Variants in IPO8 observed in about 807,000 individuals in gnomAD.
The protein encoded by IPO8 is importin 8.
IPO8 carries 65 observed loss-of-function variants against 141.2 expected under a neutral mutation model. That is an observed-to-expected ratio of 0.46 (90% CI 0.38 to 0.57). The LOEUF (loss-of-function observed/expected upper bound fraction) is 0.57, where lower values mean the gene tolerates loss of function less well. Ranked by LOEUF, IPO8 falls within the 20% of genes least tolerant of loss-of-function variation. The pLI is 0.00. For missense variants in IPO8, 980 were observed against 1,246.8 expected, an observed-to-expected ratio of 0.79 and a Z score of 3.22; for synonymous variants, 411 against 420.3, an observed-to-expected ratio of 0.98 and a Z score of 0.27.
intron 19 of IPO8, among the ~76,000 whole-genome samples, chr12:30,650,965 A>G (rs74413980): frequency 0.049 from 7,505 of 152,164 alleles, 273 homozygotes; most frequent in African/African-American, 0.099. Flanking sequence ...CTGGTATACA[A>G]TAAGAATTCG....
intron 16 of IPO8, among the ~76,000 whole-genome samples, chr12:30,659,116 G>A (rs896967180): frequency 6.6e-5 from 10 of 151,998 alleles, no homozygotes; most frequent in African/African-American, 2.2e-4. Context: ...TCCTGACCTC[G>A]TGATCCACCC....
At chr12:30,643,159 G>A (rs2052596627) in intron 20 of IPO8, among the ~76,000 whole-genome samples, 1 of 152,094 alleles carries the variant, frequency 6.6e-6, no homozygotes, top group African/African-American at 2.4e-5. Flanking sequence ...GACAGAATTA[G>A]AAGATCACCA....
intron 10 of IPO8, among the ~76,000 whole-genome samples, chr12:30,667,393 G>A (rs1477970484): frequency 6.6e-6 from 1 of 152,184 alleles, no homozygotes. Flanking sequence ...GCTCTTGTTA[G>A]TTCTTACCAA....
rs147704384 is a variant in IPO8, at chr12:30,674,448, T to C, written c.824+211A>G. 1.8e-3 allele frequency among the ~76,000 whole-genome samples: 279 copies of C among 152,340 alleles called. 1 individual carries two copies. Among genetic ancestry groups the C allele is most frequent in the African/African-American group, 6.4e-3 (265 of 41,582 alleles). Reference sequence around the variant, plus strand: ...TAATTCTTAGATATTACCAATGGGCTGAACAATGTTATTTTTCCAAGTTTT... The same window carrying C: ...TAATTCTTAGATATTACCAATGGGCCGAACAATGTTATTTTTCCAAGTTTT... On this transcript the variant is annotated intron_variant, in intron 7 of 24. Transcript: ENST00000256079.
chr12:30,682,134 A>T (rs568681872), intron 3 of IPO8, among the ~76,000 whole-genome samples: 1 of 152,276 alleles, frequency 6.6e-6, no homozygotes, highest in South Asian at 2.1e-4. Flanking sequence ...ACTCTGTAAA[A>T]TTTCCAGCTT....
chr12:30,680,602 T>A lies in IPO8; in HGVS notation c.519A>T (p.Ile173=). Residue 173 remains isoleucine (I), a synonymous_variant, in exon 5 of 25, where the codon ATA becomes ATT. Coordinates refer to ENST00000256079, the MANE Select transcript of IPO8 (RefSeq NM_006390.4). Reference sequence around the variant, plus strand: ...TACGAGGCAGGAATATCTGCATTGCTATTATAAGAGGTTCTCTCTCTTCTG... The same window carrying A: ...TACGAGGCAGGAATATCTGCATTGCAATTATAAGAGGTTCTCTCTCTTCTG... ...KKAEEREPLI[I]AMQIFLPRIQ... is the part of the protein sequence containing the mutation. 1 of 1,612,316 alleles carries A rather than the reference T, an allele frequency of 6.2e-7. No homozygotes were observed. Among genetic ancestry groups the A allele is most frequent in the Non-Finnish European group, 8.5e-7 (1 of 1,179,202 alleles).
At position 30,639,693 on chromosome 12, in the gene IPO8, G is replaced by A. The variant is rs775413184; in HGVS notation, c.2311C>T (p.Arg771Ter). 6.2e-7 allele frequency: 1 copy of A among 1,614,008 alleles called. No individual in the cohort carries two copies. The change falls in exon 21 of 25, where the codon CGA becomes TGA. Residue 771 changes from arginine to a stop codon, truncating the protein, a stop_gained. Coordinates refer to ENST00000256079, the MANE Select transcript of IPO8 (RefSeq NM_006390.4). LOFTEE classifies it high-confidence loss of function. ...CGAAGCTCACTAGTTTTGACCCCTCGAGTTAATCTCTCCAAAACAAGTTGA... is the reference window on the plus strand; with the variant it reads ...CGAAGCTCACTAGTTTTGACCCCTCAAGTTAATCTCTCCAAAACAAGTTGA... Reference protein sequence around the residue: ...FVQLVLERLTRGVKTSELRTM... With the variant: ...FVQLVLERLT
chr12:30,692,513 A>C (rs184825750), intron 1 of IPO8, among the ~76,000 whole-genome samples: 17 of 152,362 alleles, frequency 1.1e-4, no homozygotes, highest in Admixed American at 3.9e-4. Flanking sequence ...CTAAAAAATA[A>C]ATAAGACTAA....
chr12:30,687,395 A>G (rs1009859636), intron 2 of IPO8, among the ~76,000 whole-genome samples: 10 of 152,116 alleles, frequency 6.6e-5, no homozygotes, highest in African/African-American at 2.4e-4. Flanking sequence ...AAACACACAC[A>G]CACTTTTCTC....
rs1209967932 is a variant in IPO8 at position 30,695,656 on chromosome 12, G to A, written c.-9C>T. 4 of 1,612,832 alleles carry A rather than the reference G, an allele frequency of 2.5e-6. No individual in the cohort carries two copies. The highest frequency in any genetic ancestry group is 3.4e-6 in the Non-Finnish European group (4 of 1,179,048). ...ATCCGGTTGAGGTCCATCTCCCCGG[G>A]TGGGGGCTCCGCGGCCCCCGGAACA... On this transcript the variant is annotated 5_prime_UTR_variant, in exon 1 of 25. Transcript: ENST00000256079. The surrounding 1 kb of genome is among the most constrained non-coding windows in gnomAD (Gnocchi z 4.2).
chr12:30,629,791 G>A lies in IPO8; in HGVS notation c.*1069C>T, dbSNP rs912804415. On this transcript the variant is annotated 3_prime_UTR_variant, in exon 25 of 25. Coordinates refer to ENST00000256079, the MANE Select transcript of IPO8 (RefSeq NM_006390.4). ...CTATAATAAAGACACAAACAAATTA[G>A]GTAGGAGAAAATTCAAATAGGTGAG... is the stretch of plus-strand genomic sequence containing the variant. 1 of 151,918 alleles carries A rather than the reference G, an allele frequency of 6.6e-6. No homozygotes were observed. The highest frequency in any genetic ancestry group is 2.4e-5 in the African/African-American group (1 of 41,340). 9.4% of individuals were successfully genotyped at this position (151,918 alleles called of 1,614,324 possible).
At chr12:30,675,955 C>T (rs895892716) in intron 6 of IPO8, among the ~76,000 whole-genome samples, 7 of 151,960 alleles carry the variant, frequency 4.6e-5, no homozygotes, top group East Asian at 1.9e-4. Context: ...ATTATCAATA[C>T]GTTTTTTTTC....
Position 30,639,720 on chromosome 12 carries a change from C to T in IPO8, c.2284G>A (p.Val762Ile), listed in dbSNP as rs774490198. ...RGIDQCIPLF[V>I]QLVLERLTRG... The stretch of plus-strand genomic sequence containing the variant: ...GTTAATCTCTCCAAAACAAGTTGAA[C>T]GAAGAGTGGAATGCACTAGAAGACA... The change falls in exon 21 of 25, where the codon GTT becomes ATT. Residue 762 changes from valine to isoleucine, a missense_variant. Val to Ile is a conservative substitution (Grantham distance 29, BLOSUM62 3). Transcript: ENST00000256079. 3.7e-6 allele frequency: 6 copies of T among 1,613,746 alleles called. No individual in the cohort carries two copies. The highest frequency in any genetic ancestry group is 1.7e-5 in the Admixed American group (1 of 60,008).
chr12:30,689,235 C>T (rs1173691556), intron 2 of IPO8, among the ~76,000 whole-genome samples: 1 of 152,012 alleles, frequency 6.6e-6, no homozygotes, highest in East Asian at 1.9e-4. Context: ...GTTTCCATGT[C>T]ATTAAAGGAA....
intron 20 of IPO8, among the ~76,000 whole-genome samples, chr12:30,647,091 G>A (rs1199231543): frequency 6.6e-6 from 1 of 152,106 alleles, no homozygotes; most frequent in Admixed American, 6.5e-5. Context: ...TAAAGACAAT[G>A]CAGTACTGGA....
chr12:30,677,651 G>A (rs2053139711), intron 5 of IPO8, among the ~76,000 whole-genome samples: 1 of 151,930 alleles, frequency 6.6e-6, no homozygotes, highest in African/African-American at 2.4e-5. Flanking sequence ...TGATATTGAT[G>A]ATCCTGACCC....
Position 30,674,071 on chromosome 12 carries a change from A to G in IPO8, c.828T>C (p.Tyr276=), listed in dbSNP as rs550879290. The part of the protein sequence containing the change: ...LHIVARLFER[Y]GSPGNVTKEY... ...CTTTTGTGACATTTCCTGGGCTTCCATATCTTAAAATACAAAGAGAAAATG... is the reference window on the plus strand; with the variant it reads ...CTTTTGTGACATTTCCTGGGCTTCCGTATCTTAAAATACAAAGAGAAAATG... The change falls in exon 8 of 25, where the codon TAT becomes TAC. Residue 276 remains tyrosine (Y), a synonymous_variant. Transcript: ENST00000256079. The G allele has an allele frequency of 1.3e-6, 2 of 1,550,818 alleles. No individual in the cohort carries two copies. The highest frequency in any genetic ancestry group is 4.5e-5 in the East Asian group (2 of 44,156).
intron 2 of IPO8, among the ~76,000 whole-genome samples, chr12:30,687,723 T>A (rs892726563): frequency 2.6e-5 from 4 of 152,192 alleles, no homozygotes; most frequent in Non-Finnish European, 5.9e-5. Context: ...CTTCTTAAAG[T>A]GCTTCTGGAC....
At chr12:30,653,127 G>C (rs1283352622) in intron 17 of IPO8, 35 bp from the exon 18 acceptor site, 1 of 1,591,932 alleles carries the variant, frequency 6.3e-7, no homozygotes, top group Non-Finnish European at 8.5e-7. Context: ...AGAATGCTAG[G>C]AAATAGCAAA....
Sources: allele counts gnomAD v4.1 joint callset (sites outside exome capture counted in the v4.1 genomes callset), GRCh38; gene constraint gnomAD v4.1.1; non-coding constraint Gnocchi (gnomAD v3.1); transcripts MANE v1.5; gene names NCBI Gene and HGNC (gene_info 2026-07-23, HGNC 2026-07-21).